DCHS2: variants seen among roughly 807,000 people sequenced by gnomAD.
DCHS2 encodes the protein protocadherin-23.
Under a neutral mutation model 182.4 loss-of-function variants are expected in DCHS2, and 142 were observed. That is an observed-to-expected ratio of 0.78 (90% CI 0.68 to 0.89). The LOEUF (loss-of-function observed/expected upper bound fraction) is 0.89, where lower values mean the gene tolerates loss of function less well. Among genes scored for constraint, DCHS2 ranks in the 40% least tolerant of loss-of-function variants. The probability of loss-of-function intolerance (pLI) is 0.00; values close to 1 mark genes in which losing one functional copy is unlikely to be tolerated. For synonymous variants in DCHS2, 1,740 were observed against 1,663.3 expected, an observed-to-expected ratio of 1.05 and a Z score of -1.12; for missense variants, 4,319 against 4,198.6, an observed-to-expected ratio of 1.03 and a Z score of -0.79.
chr4:154,437,314 G>A (rs1416661590), intron 1 of DCHS2, among the ~76,000 whole-genome samples: 5 of 152,034 alleles, frequency 3.3e-5, no homozygotes, highest in African/African-American at 1.2e-4. Flanking sequence ...TCCAAAACTT[G>A]GCCATCTCAC....
At chr4:154,488,146 C>A (rs1728655121) in intron 1 of DCHS2, among the ~76,000 whole-genome samples, 1 of 151,966 alleles carries the variant, frequency 6.6e-6, no homozygotes, top group Admixed American at 6.6e-5. Context: ...CCACTGTACT[C>A]CATTTTGGGC....
chr4:154,476,497 G>T (rs1290347977), intron 1 of DCHS2, among the ~76,000 whole-genome samples: 3 of 152,208 alleles, frequency 2.0e-5, no homozygotes, highest in African/African-American at 7.2e-5. Context: ...TCAGAAAGCT[G>T]TAAGAACATG....
rs1401085461 is a variant in DCHS2 at position 154,489,574 on chromosome 4, T to TGATTGCAGGGAGCCGA, written c.1766_1781dup (p.Lys595ArgfsTer20). 7.1e-6 allele frequency: 11 copies of TGATTGCAGGGAGCCGA among 1,550,798 alleles called. No individual in the cohort carries two copies. The highest frequency in any genetic ancestry group is 3.9e-5 in the Admixed American group (2 of 50,890). ...CACACTCTGCGGTGTGGACCATCTTTGATTGCAGGGAGCCGAGATTGCAGG... is the reference window on the plus strand; with the variant it reads ...CACACTCTGCGGTGTGGACCATCTTTGATTGCAGGGAGCCGAGATTGCAGGGAGCCGAGATTGCAGG... On this transcript the variant is annotated frameshift_variant, in exon 1 of 20. Coordinates refer to ENST00000357232, the MANE Select transcript of DCHS2 (RefSeq NM_001358235.2). LOFTEE classifies it high-confidence loss of function.
Position 154,234,973 on chromosome 4 carries a change from C to T in DCHS2, c.9679G>A (p.Asp3227Asn). The stretch of plus-strand genomic sequence containing the variant: ...TTCCAGTGATAGTTGTCTTTTCCAT[C>T]ATGATCAGAGGTCGTCTGAGTTGAA... The part of the protein sequence containing the change: ...ALSTQTTSDH[D>N]GKDNYHWNYL... Residue 3227 changes from aspartate (D) to asparagine (N), a missense_variant, in exon 20 of 20, where the codon GAT (aspartate) becomes AAT (asparagine). Asp to Asn is a conservative substitution (Grantham distance 23). Coordinates refer to ENST00000357232, the MANE Select transcript of DCHS2 (RefSeq NM_001358235.2). 1.2e-6 allele frequency: 2 copies of T among 1,614,078 alleles called. No individual in the cohort carries two copies. Among genetic ancestry groups the T allele is most frequent in the Non-Finnish European group, 1.7e-6 (2 of 1,179,982 alleles).
rs575742067 is a variant in DCHS2 at position 154,489,388 on chromosome 4, C to T, written c.1968G>A (p.Val656=). 3 of 1,551,456 alleles carry T rather than the reference C, an allele frequency of 1.9e-6. No individual in the cohort carries two copies. Among genetic ancestry groups the T allele is most frequent in the Non-Finnish European group, 2.6e-6 (3 of 1,146,890 alleles). Residue 656 remains valine (V), a synonymous_variant, in exon 1 of 20, where the codon GTG becomes GTA. Coordinates refer to ENST00000357232, the MANE Select transcript of DCHS2 (RefSeq NM_001358235.2). ...TCLVSITVDD[V]NDNEPIFWRQ... ...TCCAGAAGATGGGCTCATTGTCATT[C>T]ACATCATCTACGGTGATGCTCACCA...
At chr4:154,318,279 T>C (rs1229014407) in intron 9 of DCHS2, among the ~76,000 whole-genome samples, 1 of 150,968 alleles carries the variant, frequency 6.6e-6, no homozygotes, top group Non-Finnish European at 1.5e-5. Flanking sequence ...ACAGAAGAAG[T>C]CAAAAATATT....
chr4:154,464,422 C>T lies in DCHS2; in HGVS notation c.2052+24882G>A, dbSNP rs530816706. On this transcript the variant is annotated intron_variant, in intron 1 of 19. Coordinates refer to ENST00000357232, the MANE Select transcript of DCHS2 (RefSeq NM_001358235.2). ...TACAACCAGAGATCATTCTAACTAA[C>T]CTGGTATACATTTTTTAAATAGAAA... Among the ~76,000 whole-genome samples, 35 of 152,088 alleles carry T rather than the reference C, an allele frequency of 2.3e-4. 1 individual carries two copies. The highest frequency in any genetic ancestry group is 8.4e-4 in the African/African-American group (35 of 41,482).
Position 154,240,782 on chromosome 4 carries a change from C to G in DCHS2, c.7114G>C (p.Asp2372His). The change falls in exon 18 of 20, where the codon GAT becomes CAT. Residue 2372 changes from aspartate to histidine, a missense_variant. Asp to His is a moderately conservative substitution (Grantham distance 81). Transcript: ENST00000357232. ...GVIVTHVSVH[D>H]VDLNSAFIFS... is the part of the protein sequence containing the mutation. ...ATGAAAGCTGAATTCAAATCCACATCATGAACTGACACATGAGTCACAATT... is the reference window on the plus strand; with the variant it reads ...ATGAAAGCTGAATTCAAATCCACATGATGAACTGACACATGAGTCACAATT... 3 of 1,613,850 alleles carry G rather than the reference C, an allele frequency of 1.9e-6. No homozygotes were observed. Among genetic ancestry groups the G allele is most frequent in the Non-Finnish European group, 1.7e-6 (2 of 1,179,880 alleles).
chr4:154,309,162 G>T (rs1419800720), intron 10 of DCHS2, among the ~76,000 whole-genome samples: 10 of 152,068 alleles, frequency 6.6e-5, no homozygotes, highest in Non-Finnish European at 1.5e-5. Flanking sequence ...TGTTCCCTCT[G>T]CCTGCTCTTT....
Position 154,236,498 on chromosome 4 carries a change from G to A in DCHS2, c.8154C>T (p.Asn2718=). 1 of 1,613,960 alleles carries A rather than the reference G, an allele frequency of 6.2e-7. No individual in the cohort carries two copies. The highest frequency in any genetic ancestry group is 1.7e-5 in the Admixed American group (1 of 60,010). Residue 2718 remains asparagine, a synonymous_variant, in exon 20 of 20, where the codon AAC becomes AAT. Transcript: ENST00000357232. The part of the protein sequence containing the change: ...NEKGHFYLEE[N]TGVLYLIKPL... ...GTTTAATCAAATAAAGAACTCCAGT[G>A]TTTTCTTCTAAGTAAAAATGTCCCT...
At chr4:154,250,808 A>T (rs1289861086) in intron 16 of DCHS2, among the ~76,000 whole-genome samples, 1 of 152,198 alleles carries the variant, frequency 6.6e-6, no homozygotes, top group Non-Finnish European at 1.5e-5. Flanking sequence ...TGTCTTTAGA[A>T]ATAAAGATAC....
intron 1 of DCHS2, among the ~76,000 whole-genome samples, chr4:154,455,279 C>G (rs116592255): frequency 1.7e-3 from 253 of 152,258 alleles, no homozygotes; most frequent in African/African-American, 5.7e-3. Flanking sequence ...AGAGCCAGGC[C>G]AGCTCAAGAG....
At chr4:154,324,568 T>C (rs1039615588) in intron 7 of DCHS2, among the ~76,000 whole-genome samples, 1 of 152,000 alleles carries the variant, frequency 6.6e-6, no homozygotes, top group Non-Finnish European at 1.5e-5. Context: ...TATCATAAGG[T>C]TTTGAGTTAA....
intron 10 of DCHS2, among the ~76,000 whole-genome samples, chr4:154,312,732 T>C (rs1263218583): frequency 6.6e-6 from 1 of 152,186 alleles, no homozygotes; most frequent in African/African-American, 2.4e-5. Context: ...GAATGAGAAA[T>C]TGTTATTACA....
intron 1 of DCHS2, among the ~76,000 whole-genome samples, chr4:154,462,043 C>A (rs35592255): frequency 0.18 from 27,002 of 152,078 alleles, 3,042 homozygotes; most frequent in Non-Finnish European, 0.26. Flanking sequence ...AACCACCTGG[C>A]GGGAACACAC....
In DCHS2 at chr4:154,235,153, C is replaced by CT. The variant is rs1560969077; in HGVS notation, c.9498dup (p.Gly3167ArgfsTer15). Reference sequence around the variant, plus strand: ...GTGCTGCAGCCTTCCCCTTGATCTCCTTCCCCAAATGTTTGGCTGGCTTCT... The same window carrying CT: ...GTGCTGCAGCCTTCCCCTTGATCTCCTTTCCCCAAATGTTTGGCTGGCTTCT... On this transcript the variant is annotated frameshift_variant, in exon 20 of 20. Transcript: ENST00000357232. LOFTEE classifies it low-confidence loss of function (END_TRUNC). The CT allele has an allele frequency of 6.2e-7, 1 of 1,614,024 alleles. No individual in the cohort carries two copies.
At chr4:154,424,142 T>C (rs540236611) in intron 1 of DCHS2, among the ~76,000 whole-genome samples, 63 of 152,246 alleles carry the variant, frequency 4.1e-4, no homozygotes, top group Non-Finnish European at 1.3e-4. Context: ...TGGTCTGACT[T>C]ATGTGCACAA....
At chr4:154,261,456 C>T (rs1023401324) in intron 14 of DCHS2, among the ~76,000 whole-genome samples, 7 of 152,196 alleles carry the variant, frequency 4.6e-5, no homozygotes, top group South Asian at 4.1e-4. Context: ...ACTAGAAGTT[C>T]GATCCTCTGG....
chr4:154,434,996 C>T (rs959634281), intron 1 of DCHS2, among the ~76,000 whole-genome samples: 5 of 151,972 alleles, frequency 3.3e-5, no homozygotes, highest in Admixed American at 6.6e-5. Flanking sequence ...AATGGGATCT[C>T]GCAATGGAGA....
Sources: gnomAD v4.1 joint callset for allele counts (sites outside exome capture counted in the v4.1 genomes callset) on GRCh38, gnomAD v4.1.1 for gene constraint, MANE v1.5 for transcripts, NCBI Gene and HGNC (gene_info 2026-07-23, HGNC 2026-07-21) for gene names.